UGT1A5: variants seen among roughly 807,000 people sequenced by gnomAD.
UGT1A5 encodes UDP-glucuronosyltransferase 1A5.
In UGT1A5, 29 loss-of-function variants were observed where a neutral mutation model predicts 40.3. The ratio of observed to expected loss-of-function variants is 0.72; its 90% CI spans 0.54 to 0.98. The LOEUF is 0.98. Ranked by LOEUF, UGT1A5 falls within the 50% of genes least tolerant of loss-of-function variation. UGT1A5 has a pLI of 0.00. For missense variants in UGT1A5, 678 were observed against 677.9 expected (o/e 1.00, Z 0.00); for synonymous variants, 257 against 262.5 (o/e 0.98, Z 0.20).
intron 1 of UGT1A5, among the ~76,000 whole-genome samples, chr2:233,750,926 G>A (rs939892463): frequency 5.3e-5 from 8 of 151,868 alleles, no homozygotes; most frequent in African/African-American, 1.9e-4. Flanking sequence ...AAAGAAATGT[G>A]AGGTTGGAGC....
chr2:233,724,221 C>T lies in UGT1A5; in HGVS notation c.867+10363C>T, dbSNP rs1235713996. ...GGCCGGGCTGAGGGGCTCCTCACTT[C>T]CCAGTAGGGGCGGCCGGGCAGAGGC... On this transcript the variant is annotated intron_variant, in intron 1 of 4. Coordinates refer to ENST00000373414, the MANE Select transcript of UGT1A5 (RefSeq NM_019078.2). Among the ~76,000 whole-genome samples the T allele has an allele frequency of 3.1e-5, 4 of 130,194 alleles. No individual in the cohort carries two copies. In the East Asian group the frequency reaches 9.2e-4, roughly 30 times the overall value. 85.4% of individuals were successfully genotyped at this position (130,194 alleles called of 152,430 possible). A position where few individuals can be genotyped will look rare whatever the true frequency, so the allele number is the denominator to read the frequency against.
At chr2:233,728,607 C>G (rs868048236) in intron 1 of UGT1A5, among the ~76,000 whole-genome samples, 1 of 152,210 alleles carries the variant, frequency 6.6e-6, no homozygotes, top group South Asian at 2.1e-4. Flanking sequence ...CCAGCCTCCA[C>G]GCTGTTCAGA....
chr2:233,737,856 T>C (rs1690612463), intron 1 of UGT1A5, among the ~76,000 whole-genome samples: 1 of 152,152 alleles, frequency 6.6e-6, no homozygotes, highest in Admixed American at 6.5e-5. Context: ...ACTCTTGCTA[T>C]GCCCCTTAAG....
At chr2:233,725,198 A>C (rs1414997731) in intron 1 of UGT1A5, among the ~76,000 whole-genome samples, 7 of 86,674 alleles carry the variant, frequency 8.1e-5, no homozygotes, top group African/African-American at 6.8e-4. Flanking sequence ...AGGCAGAGGC[A>C]GAGGCAGAGG....
In UGT1A5 at chr2:233,713,489, G is replaced by A. The variant is rs17868332; in HGVS notation, c.498G>A (p.Ser166=). Residue 166 remains serine (S), a synonymous_variant, in exon 1 of 5, where the codon TCG becomes TCA. Transcript: ENST00000373414. ...CGGCGGTGCTGGCTAAGTACCTGTC[G>A]ATTCCTGCTGTGTTTTTCTTGAGGA... ...LCAAVLAKYL[S]IPAVFFLRNI... 26 of 1,613,820 alleles carry A rather than the reference G, an allele frequency of 1.6e-5. No individual in the cohort carries two copies. In the Admixed American group the frequency reaches 2.0e-4, roughly 12 times the overall value.
At chr2:233,723,516 C>T (rs1242100621) in intron 1 of UGT1A5, among the ~76,000 whole-genome samples, 34 of 85,382 alleles carry the variant, frequency 4.0e-4, no homozygotes, top group African/African-American at 1.3e-3. Flanking sequence ...GGTCAACAAT[C>T]TTTTTTTTTT....
chr2:233,763,154 G>A (rs1698249397), intron 1 of UGT1A5, among the ~76,000 whole-genome samples: 1 of 152,232 alleles, frequency 6.6e-6, no homozygotes, highest in Non-Finnish European at 1.5e-5. Flanking sequence ...AAAAGTCTAA[G>A]TGGTGAACTG....
chr2:233,757,562 G>GATATATATA (rs1696648748), intron 1 of UGT1A5, among the ~76,000 whole-genome samples: 1 of 90,870 alleles, frequency 1.1e-5, no homozygotes, highest in African/African-American at 5.1e-5. Context: ...ATATATATAT[G>GATATATATA]TATATATGAT....
chr2:233,750,083 G>A lies in UGT1A5; in HGVS notation c.868-16951G>A, dbSNP rs773064536. ...TGGAACTGGGTAACAGGCAGAGGTT[G>A]GAACAGTTTGGAGAGCTCAGAAGAA... is the stretch of plus-strand genomic sequence containing the variant. On this transcript the variant is annotated intron_variant, in intron 1 of 4. Transcript: ENST00000373414. Among the ~76,000 whole-genome samples the A allele has an allele frequency of 4.8e-4, 73 of 151,992 alleles. 1 individual carries two copies. The highest frequency in any genetic ancestry group is 9.7e-4 in the Non-Finnish European group (66 of 68,038).
chr2:233,729,169 G>T (rs770212311), intron 1 of UGT1A5: 2 of 1,613,626 alleles, frequency 1.2e-6, no homozygotes, highest in African/African-American at 2.7e-5. Context: ...GCTGGCCACA[G>T]GACTGCTGCT....
At chr2:233,727,367 A>G (rs1174142839) in intron 1 of UGT1A5, among the ~76,000 whole-genome samples, 6 of 152,052 alleles carry the variant, frequency 3.9e-5, no homozygotes, top group Non-Finnish European at 7.4e-5. Flanking sequence ...TAGGGCCCCT[A>G]GGTCTCTGGA....
At chr2:233,739,387 C>T (rs1691076515) in intron 1 of UGT1A5, among the ~76,000 whole-genome samples, 1 of 152,204 alleles carries the variant, frequency 6.6e-6, no homozygotes, top group Non-Finnish European at 1.5e-5. Flanking sequence ...CTGGAAGAGC[C>T]ACAGACATCA....
chr2:233,719,837 G>A, intron 1 of UGT1A5: 1 of 1,534,622 alleles, frequency 6.5e-7, no homozygotes, highest in South Asian at 1.2e-5. Flanking sequence ...GGGGCCTAGT[G>A]TATTTCAAGT....
chr2:233,724,426 G>T, intron 1 of UGT1A5, among the ~76,000 whole-genome samples: 1 of 134,712 alleles, frequency 7.4e-6, no homozygotes, highest in Admixed American at 7.3e-5. Flanking sequence ...GGGCGGAGAG[G>T]CTCCTCACTT....
intron 1 of UGT1A5, chr2:233,761,091 C>T (rs138454262): frequency 2.5e-6 from 4 of 1,614,104 alleles, no homozygotes; most frequent in Non-Finnish European, 3.4e-6. Context: ...CTAGGCCCAT[C>T]ATGCCCAATA....
At chr2:233,744,714 G>C (rs1253738430) in intron 1 of UGT1A5, among the ~76,000 whole-genome samples, 4 of 151,880 alleles carry the variant, frequency 2.6e-5, no homozygotes, top group Non-Finnish European at 5.9e-5. Context: ...ACACTTGTGA[G>C]AGAATGACGG....
chr2:233,734,943 C>G (rs2078589604), intron 1 of UGT1A5, among the ~76,000 whole-genome samples: 1 of 152,150 alleles, frequency 6.6e-6, no homozygotes, highest in Non-Finnish European at 1.5e-5. Flanking sequence ...ATCATATGGT[C>G]AGTTTTAGAA....
intron 1 of UGT1A5, chr2:233,756,069 T>C (rs991797292): frequency 4.6e-5 from 7 of 152,198 alleles, no homozygotes; most frequent in African/African-American, 7.2e-5. Context: ...TGTGGGAGAA[T>C]GACAATGAGA....
At chr2:233,764,334 G>A (rs1470444566) in intron 1 of UGT1A5, among the ~76,000 whole-genome samples, 1 of 152,188 alleles carries the variant, frequency 6.6e-6, no homozygotes, top group Non-Finnish European at 1.5e-5. Flanking sequence ...AGTAGGGGAT[G>A]GACTTCACCT....
Sources: gnomAD v4.1 joint callset for allele counts (sites outside exome capture counted in the v4.1 genomes callset) on GRCh38, gnomAD v4.1.1 for gene constraint, MANE v1.5 for transcripts, NCBI Gene and HGNC (gene_info 2026-07-23, HGNC 2026-07-21) for gene names.